CDH23: variants seen among roughly 807,000 people sequenced by gnomAD.
The protein encoded by CDH23 is cadherin related 23.
A neutral mutation model predicts 317.1 loss-of-function variants in CDH23; 189 were observed. The observed-to-expected ratio is 0.60, with a 90% CI of 0.53 to 0.67. The LOEUF is 0.67. Ranked by LOEUF, CDH23 falls within the 30% of genes least tolerant of loss-of-function variation. The pLI, the probability that CDH23 is intolerant of heterozygous loss-of-function variation, is 0.00. For missense variants in CDH23, 4,401 were observed against 4,592.4 expected (o/e 0.96, Z 1.20); for synonymous variants, 1,839 against 1,876.8 (o/e 0.98, Z 0.52).
intron 1 of CDH23, among the ~76,000 whole-genome samples, chr10:71,425,964 G>T (rs115507076): frequency 0.017 from 2,559 of 152,324 alleles, 74 homozygotes; most frequent in African/African-American, 0.057. Context: ...GATGAGAGCA[G>T]AGAAAGCAAA....
chr10:71,533,050 G>A (rs1403051297), intron 6 of CDH23, among the ~76,000 whole-genome samples: 1 of 152,144 alleles, frequency 6.6e-6, no homozygotes. Flanking sequence ...TTAATTGTCT[G>A]TGTGTGCCCA....
At chr10:71,434,680 CT>C (rs780913024) in intron 1 of CDH23, among the ~76,000 whole-genome samples, 2 of 152,002 alleles carry the variant, frequency 1.3e-5, no homozygotes, top group Non-Finnish European at 2.9e-5. Flanking sequence ...GTGGGCGGGG[CT>C]GCTGCTCTAA....
At chr10:71,791,035 C>T in intron 46 of CDH23, 97 bp from the exon 47 acceptor site, 1 of 924,350 alleles carries the variant, frequency 1.1e-6, no homozygotes, top group Non-Finnish European at 1.7e-6. Flanking sequence ...CCATGGTGCC[C>T]CTGTCTTTCT....
intron 1 of CDH23, among the ~76,000 whole-genome samples, chr10:71,405,663 C>T (rs183999431): frequency 3.2e-3 from 489 of 152,254 alleles, no homozygotes; most frequent in Middle Eastern, 0.01. Flanking sequence ...GTCTTGAACT[C>T]CTGACCTCAG....
chr10:71,488,826 G>A (rs895574042), intron 3 of CDH23, among the ~76,000 whole-genome samples: 2 of 152,194 alleles, frequency 1.3e-5, no homozygotes. Context: ...TATCATTCTT[G>A]TTCTTAAAAG....
chr10:71,683,206 G>T (rs758633745), intron 18 of CDH23, among the ~76,000 whole-genome samples: 2 of 152,212 alleles, frequency 1.3e-5, no homozygotes, highest in South Asian at 2.1e-4. Flanking sequence ...GGGCCCCTCC[G>T]CATGGAGACC....
chr10:71,546,384 T>C (rs1856283174), intron 6 of CDH23, among the ~76,000 whole-genome samples: 1 of 152,238 alleles, frequency 6.6e-6, no homozygotes. Context: ...CCGGAGCTAC[T>C]GTGGTGAGCA....
Position 71,585,015 on chromosome 10 carries a change from C to T in CDH23, c.832+7023C>T, listed in dbSNP as rs112471711. Among the ~76,000 whole-genome samples, 149 of 151,682 alleles carry T rather than the reference C, an allele frequency of 9.8e-4. 1 individual carries two copies. Among genetic ancestry groups the T allele is most frequent in the African/African-American group, 3.3e-3 (138 of 41,366 alleles). ...GCAGCTGGGGTCGGGGAAGTGAACG[C>T]GGGGTCACCAGGAGATTCATCAGTT... On this transcript the variant is annotated intron_variant, in intron 9 of 69. Transcript: ENST00000224721.
intron 32 of CDH23, among the ~76,000 whole-genome samples, chr10:71,733,997 C>T (rs1839475739): frequency 6.6e-6 from 1 of 152,208 alleles, no homozygotes. Flanking sequence ...AGAACTACAA[C>T]AGAGGGGTAG....
intron 57 of CDH23, 65 bp downstream of exon 57, chr10:71,806,346 A>G: frequency 9.2e-7 from 1 of 1,087,972 alleles, no homozygotes; most frequent in Non-Finnish European, 1.4e-6. Flanking sequence ...GCAAGCACAC[A>G]CTCTCCTATA....
In CDH23 at chr10:71,702,554, A is replaced by G; in HGVS notation, c.2593A>G (p.Arg865Gly). ...KIVVSVTDCG[R>G]PPLKATSSAT... ...TCTCGCCCTGGTCTTCCCAGGTGGC[A>G]GGCCCCCTCTGAAAGCCACCAGCAG... Residue 865 changes from arginine (R) to glycine (G), a missense_variant, in exon 24 of 70, where the codon AGG (arginine) becomes GGG (glycine). Physicochemically the swap from Arg to Gly is moderately radical, Grantham distance 125. Transcript: ENST00000224721. The G allele has an allele frequency of 6.2e-7, 1 of 1,613,916 alleles. No homozygotes were observed.
chr10:71,425,091 T>C (rs1319195422), intron 1 of CDH23, among the ~76,000 whole-genome samples: 1 of 151,808 alleles, frequency 6.6e-6, no homozygotes, highest in African/African-American at 2.4e-5. Flanking sequence ...TATTTGTACC[T>C]AATGTCAGTG....
chr10:71,807,730 C>T lies in CDH23; in HGVS notation c.8523C>T (p.Asp2841=). ...EVRVVLEDIN[D]QPPRFTKAEY... is the part of the protein sequence containing the mutation. Reference sequence around the variant, plus strand: ...GCGTTGTGCTAGAGGACATCAACGACCAGCCACCACGCTTCACCAAGGCTG... The same window carrying T: ...GCGTTGTGCTAGAGGACATCAACGATCAGCCACCACGCTTCACCAAGGCTG... Residue 2841 remains aspartate, a synonymous_variant, in exon 59 of 70, where the codon GAC becomes GAT. Coordinates refer to ENST00000224721, the MANE Select transcript of CDH23 (RefSeq NM_022124.6). The T allele has an allele frequency of 6.2e-7, 1 of 1,608,722 alleles. No individual in the cohort carries two copies. Among genetic ancestry groups the T allele is most frequent in the Non-Finnish European group, 8.5e-7 (1 of 1,177,480 alleles).
intron 20 of CDH23, among the ~76,000 whole-genome samples, 195 bp downstream of exon 20, chr10:71,690,779 A>T (rs1372364892): frequency 6.6e-6 from 1 of 152,238 alleles, no homozygotes; most frequent in Non-Finnish European, 1.5e-5. Flanking sequence ...TCACAACGTG[A>T]ATTGACCCAG....
intron 3 of CDH23, among the ~76,000 whole-genome samples, chr10:71,495,679 A>G (rs2132153162): frequency 6.6e-6 from 1 of 152,158 alleles, no homozygotes; most frequent in African/African-American, 2.4e-5. Context: ...TTAAAAAAAA[A>G]AATTGTAAAA....
intron 25 of CDH23, among the ~76,000 whole-genome samples, 183 bp downstream of exon 25, chr10:71,705,313 C>T (rs910142950): frequency 6.6e-6 from 1 of 152,156 alleles, no homozygotes; most frequent in African/African-American, 2.4e-5. Context: ...GCCTTCTCCA[C>T]ACCTGACCAC....
intron 19 of CDH23, among the ~76,000 whole-genome samples, chr10:71,688,390 T>G (rs1337043469): frequency 6.6e-6 from 1 of 151,670 alleles, no homozygotes; most frequent in South Asian, 2.1e-4. Context: ...GGTGGAGTCA[T>G]GGATAGTGGA....
intron 38 of CDH23, chr10:71,755,008 G>A (rs999907588): frequency 2.1e-5 from 10 of 467,682 alleles, no homozygotes; most frequent in African/African-American, 9.9e-5. Flanking sequence ...AAACAAGCAC[G>A]CCCATACCTT....
chr10:71,480,809 A>G (rs1173785124), intron 3 of CDH23, among the ~76,000 whole-genome samples: 1 of 151,700 alleles, frequency 6.6e-6, no homozygotes, highest in African/African-American at 2.4e-5. Flanking sequence ...GAAGGACATG[A>G]TGGAGATGGG....
Sources: gnomAD v4.1 joint callset for allele counts (sites outside exome capture counted in the v4.1 genomes callset) on GRCh38, gnomAD v4.1.1 for gene constraint, MANE v1.5 for transcripts, NCBI Gene and HGNC (gene_info 2026-07-23, HGNC 2026-07-21) for gene names.